Variants in GPR141 observed in about 807,000 individuals in gnomAD.
GPR141 encodes the protein probable G protein-coupled receptor 141.
GPR141 carries 6 observed loss-of-function variants against 6.8 expected under a neutral mutation model. The observed-to-expected ratio is 0.88, with a 90% CI of 0.48 to 1.74. GPR141 has a LOEUF of 1.74. GPR141 is among the 40% of genes most tolerant of loss of function. The pLI is 0.01. For synonymous variants in GPR141, 140 were observed against 142.3 expected, an observed-to-expected ratio of 0.98 and a Z score of 0.11; for missense variants, 372 against 372.9, an observed-to-expected ratio of 1.00 and a Z score of 0.02.
intron 2 of GPR141, among the ~76,000 whole-genome samples, chr7:37,704,014 G>A (rs1810411538): frequency 6.6e-6 from 1 of 152,070 alleles, no homozygotes; most frequent in South Asian, 2.1e-4. Flanking sequence ...GCTATTGCTA[G>A]TTACCTTCTG....
intron 2 of GPR141, among the ~76,000 whole-genome samples, chr7:37,729,563 A>G (rs1198734063): frequency 6.6e-6 from 1 of 152,260 alleles, no homozygotes; most frequent in African/African-American, 2.4e-5. Context: ...TCAAAGTTAA[A>G]AACAAGTCCA....
chr7:37,712,275 T>C (rs1218395511), intron 2 of GPR141, among the ~76,000 whole-genome samples: 1 of 152,160 alleles, frequency 6.6e-6, no homozygotes, highest in African/African-American at 2.4e-5. Context: ...GTGATCCCCT[T>C]GATAACAGTG....
chr7:37,732,144 CTT>C (rs1176520782), intron 2 of GPR141, among the ~76,000 whole-genome samples: 4 of 127,586 alleles, frequency 3.1e-5, no homozygotes, highest in South Asian at 2.5e-4. Flanking sequence ...TTCTCTCTCT[CTT>C]TTTTTTTTTT....
intron 2 of GPR141, among the ~76,000 whole-genome samples, chr7:37,696,652 T>A (rs946056743): frequency 6.6e-6 from 1 of 152,010 alleles, no homozygotes; most frequent in Non-Finnish European, 1.5e-5. Context: ...AGCACATCTA[T>A]GCTGCCTTAC....
At chr7:37,688,299 G>A (rs1425283278) in intron 2 of GPR141, among the ~76,000 whole-genome samples, 1 of 151,924 alleles carries the variant, frequency 6.6e-6, no homozygotes, top group Non-Finnish European at 1.5e-5. Context: ...GGGCATGGTG[G>A]TACACGCCTG....
intron 2 of GPR141, among the ~76,000 whole-genome samples, chr7:37,728,246 G>A (rs536470552): frequency 8.5e-4 from 112 of 131,148 alleles, no homozygotes; most frequent in Non-Finnish European, 1.4e-3. Context: ...AATAATTGAT[G>A]TGCCTCTTTC....
intron 2 of GPR141, among the ~76,000 whole-genome samples, chr7:37,730,656 C>T (rs536815238): frequency 6.3e-4 from 96 of 152,296 alleles, no homozygotes; most frequent in Admixed American, 1.2e-3. Flanking sequence ...TCCCAGGGCC[C>T]GGCCATGGCC....
rs1304641129 is a variant in GPR141 at position 37,742,409 on chromosome 7, G to A, written c.*1098G>A. Among the ~76,000 whole-genome samples the A allele has an allele frequency of 2.0e-5, 3 of 147,700 alleles. No individual in the cohort carries two copies. The East Asian group carries it at 6.0e-4, about 29-fold the overall frequency. On this transcript the variant is annotated 3_prime_UTR_variant, in exon 3 of 3. Coordinates refer to ENST00000334425, the MANE Select transcript of GPR141 (RefSeq NM_001381946.1). ...CTCCCTCCCCTAGCCCCCCACCCCT[G>A]GACAGGCCCCATTGTGTGATGTTCC...
intron 2 of GPR141, among the ~76,000 whole-genome samples, chr7:37,704,368 C>A (rs976854884): frequency 6.6e-6 from 1 of 152,076 alleles, no homozygotes; most frequent in Non-Finnish European, 1.5e-5. Flanking sequence ...CTCACAGTTC[C>A]GCATGGCTGG....
rs188814806 is a variant in GPR141 at position 37,696,265 on chromosome 7, G to A, written c.-15+10682G>A. ...TGGATGTCTTCTAAGCATATTTAAA[G>A]TAGTTGAGGCTAAGCTATGATGTTT... On this transcript the variant is annotated intron_variant, in intron 2 of 2. Transcript: ENST00000334425. 1.2e-4 allele frequency among the ~76,000 whole-genome samples: 18 copies of A among 152,304 alleles called. 1 individual carries two copies. The highest frequency in any genetic ancestry group is 5.9e-4 in the Admixed American group (9 of 15,294).
chr7:37,695,988 A>G (rs1239143512), intron 2 of GPR141, among the ~76,000 whole-genome samples: 2 of 152,174 alleles, frequency 1.3e-5, no homozygotes, highest in East Asian at 3.8e-4. Context: ...AAATTCTTGC[A>G]TCTGTTCTTG....
At chr7:37,691,805 T>A (rs1056562091) in intron 2 of GPR141, among the ~76,000 whole-genome samples, 1 of 151,550 alleles carries the variant, frequency 6.6e-6, no homozygotes, top group South Asian at 2.1e-4. Flanking sequence ...TTGAGTGGAG[T>A]TTTTTCCCCC....
chr7:37,703,207 T>G (rs1333547369), intron 2 of GPR141, among the ~76,000 whole-genome samples: 17 of 152,216 alleles, frequency 1.1e-4, no homozygotes. Context: ...ACTGTCTTCC[T>G]GCTTCCACTG....
At chr7:37,737,422 G>A (rs1470439503) in intron 2 of GPR141, among the ~76,000 whole-genome samples, 2 of 152,156 alleles carry the variant, frequency 1.3e-5, no homozygotes, top group African/African-American at 4.8e-5. Context: ...TATTACAGCA[G>A]TCCCAGAGGA....
intron 2 of GPR141, among the ~76,000 whole-genome samples, chr7:37,699,948 T>C (rs952438102): frequency 6.6e-6 from 1 of 152,242 alleles, no homozygotes. Flanking sequence ...AAAGTGGTTA[T>C]TGAATAGCTT....
chr7:37,725,267 T>C (rs1204700465), intron 2 of GPR141, among the ~76,000 whole-genome samples: 3 of 152,166 alleles, frequency 2.0e-5, no homozygotes, highest in Admixed American at 6.5e-5. Context: ...GTTCCTTGTA[T>C]TGAGTGGTCA....
intron 2 of GPR141, among the ~76,000 whole-genome samples, chr7:37,725,475 C>T (rs926893799): frequency 2.0e-5 from 3 of 152,158 alleles, no homozygotes; most frequent in African/African-American, 7.2e-5. Context: ...CAGGGAGTTT[C>T]CTGCTCTGCC....
intron 2 of GPR141, among the ~76,000 whole-genome samples, chr7:37,699,555 C>T (rs35710669): frequency 5.3e-5 from 8 of 151,974 alleles, no homozygotes; most frequent in South Asian, 4.2e-4. Flanking sequence ...AGCGAGACTC[C>T]GACTCAAAAA....
At chr7:37,737,203 A>G (rs910366963) in intron 2 of GPR141, among the ~76,000 whole-genome samples, 4 of 152,340 alleles carry the variant, frequency 2.6e-5, no homozygotes, top group Middle Eastern at 3.4e-3. Context: ...TGAAATAAAG[A>G]GGAAATTTCA....
Sources: gnomAD v4.1 joint callset for allele counts (sites outside exome capture counted in the v4.1 genomes callset) on GRCh38, gnomAD v4.1.1 for gene constraint, MANE v1.5 for transcripts, NCBI Gene and HGNC (gene_info 2026-07-23, HGNC 2026-07-21) for gene names.